Variants in LRRC40 observed in about 807,000 individuals in gnomAD.
LRRC40 encodes leucine-rich repeat-containing protein 40.
LRRC40 carries 76 observed loss-of-function variants against 72.8 expected under a neutral mutation model. That is an observed-to-expected ratio of 1.04 (90% CI 0.87 to 1.26). The LOEUF is 1.26. Ranked by LOEUF, LRRC40 falls within the 50% of genes most tolerant of loss-of-function variation. LRRC40 has a pLI of 0.00. For synonymous variants in LRRC40, 243 were observed against 254.2 expected (o/e 0.96, Z 0.42); for missense variants, 684 against 698.9 (o/e 0.98, Z 0.24).
chr1:70,147,172 G>A (rs1322945729), intron 14 of LRRC40: 2 of 152,178 alleles, frequency 1.3e-5, no homozygotes, highest in African/African-American at 2.4e-5. Context: ...AAAAATTGGA[G>A]TCACCCCACG....
At chr1:70,165,304 T>A (rs1193839764) in intron 9 of LRRC40, among the ~76,000 whole-genome samples, 1 of 152,216 alleles carries the variant, frequency 6.6e-6, no homozygotes, top group Non-Finnish European at 1.5e-5. Flanking sequence ...TTACTGCACT[T>A]CTGCTAGACA....
rs779090823 is a variant in LRRC40, at chr1:70,187,311, G to T, written c.361C>A (p.Pro121Thr). Residue 121 changes from proline (P) to threonine (T), a missense_variant, in exon 3 of 15, where the codon CCT (proline) becomes ACT (threonine). Transcript: ENST00000370952. ...TTTTCTAGCTCTCTTATAGCAGAAG[G>T]AAGGGATGTCAACTGATTATCATGT... is the stretch of plus-strand genomic sequence containing the variant. ...DIHDNQLTSL[P>T]SAIRELENLQ... 1.2e-5 allele frequency: 19 copies of T among 1,584,678 alleles called. No homozygotes were observed. The South Asian group carries it at 1.4e-4, about 11-fold the overall frequency.
intron 4 of LRRC40, among the ~76,000 whole-genome samples, chr1:70,184,424 A>C (rs1668315844): frequency 6.6e-6 from 1 of 152,158 alleles, no homozygotes; most frequent in East Asian, 1.9e-4. Context: ...GGAAGGCAGA[A>C]GGGCCGCAGG....
chr1:70,156,190 T>C (rs1386085889), intron 10 of LRRC40, among the ~76,000 whole-genome samples: 4 of 152,168 alleles, frequency 2.6e-5, no homozygotes, highest in African/African-American at 7.2e-5. Context: ...AGAGGAGTTT[T>C]CTGTCAAATT....
chr1:70,180,640 T>TG (rs1668222927), intron 5 of LRRC40, among the ~76,000 whole-genome samples: 1 of 152,310 alleles, frequency 6.6e-6, no homozygotes, highest in Middle Eastern at 3.4e-3. Context: ...TTTGACATTT[T>TG]GGTTCTTTTA....
chr1:70,173,218 A>G (rs1668034734), intron 9 of LRRC40, among the ~76,000 whole-genome samples: 1 of 152,020 alleles, frequency 6.6e-6, no homozygotes, highest in Non-Finnish European at 1.5e-5. Flanking sequence ...TTTTTGTTAA[A>G]TTTCCTAATT....
In LRRC40 at chr1:70,170,050, T is replaced by C. The variant is rs141755308; in HGVS notation, c.1111+3415A>G. Among the ~76,000 whole-genome samples, 356 of 152,214 alleles carry C rather than the reference T, an allele frequency of 2.3e-3. 1 individual carries two copies. The highest frequency in any genetic ancestry group is 7.7e-3 in the African/African-American group (321 of 41,558). On this transcript the variant is annotated intron_variant, in intron 9 of 14. Transcript: ENST00000370952. ...CAAATCTAGCAACATTTACAAAGAA[T>C]TATACACCATTACTAAGTGGGATTT...
chr1:70,170,158 C>T (rs192519434), intron 9 of LRRC40, among the ~76,000 whole-genome samples: 2 of 152,050 alleles, frequency 1.3e-5, no homozygotes, highest in Admixed American at 1.3e-4. Flanking sequence ...AATCACACGA[C>T]CATCTCAACA....
intron 4 of LRRC40, among the ~76,000 whole-genome samples, chr1:70,183,429 C>A (rs1370413791): frequency 2.0e-5 from 3 of 151,860 alleles, no homozygotes; most frequent in Non-Finnish European, 4.4e-5. Context: ...GAGATGGATA[C>A]ACTTTGGAGT....
chr1:70,193,838 A>T (rs1168193301), intron 1 of LRRC40, among the ~76,000 whole-genome samples: 2 of 152,046 alleles, frequency 1.3e-5, no homozygotes, highest in African/African-American at 4.8e-5. Context: ...ATTAACAGAA[A>T]AATGAGAAAT....
At chr1:70,194,624 A>C (rs72678611) in intron 1 of LRRC40, among the ~76,000 whole-genome samples, 2,064 of 151,174 alleles carry the variant, frequency 0.014, 25 homozygotes, top group Non-Finnish European at 0.018. Flanking sequence ...TTAGGTCAAA[A>C]AATTTTGAAA....
At position 70,166,899 on chromosome 1, in the gene LRRC40, GAAAGGAGAAA is replaced by G. The variant is rs543898345; in HGVS notation, c.1111+6556_1111+6565del. 9.3e-4 allele frequency among the ~76,000 whole-genome samples: 137 copies of G among 146,956 alleles called. No individual in the cohort carries two copies. In the South Asian group the frequency reaches 0.011, roughly 12 times the overall value. On this transcript the variant is annotated intron_variant, in intron 9 of 14. Coordinates refer to ENST00000370952, the MANE Select transcript of LRRC40 (RefSeq NM_017768.5). The stretch of plus-strand genomic sequence containing the variant: ...AAAAAAATTTTCCCCATCCCCAAAA[GAAAGGAGAAA>G]AAAGGAAAAAAAAGAAAAAAGAAAA...
intron 7 of LRRC40, among the ~76,000 whole-genome samples, chr1:70,174,862 T>C (rs1668069861): frequency 6.6e-6 from 1 of 152,130 alleles, no homozygotes; most frequent in African/African-American, 2.4e-5. Flanking sequence ...GTTACACAAA[T>C]ATATACCTTT....
At chr1:70,198,767 C>G (rs1053005892) in intron 1 of LRRC40, among the ~76,000 whole-genome samples, 27 of 151,924 alleles carry the variant, frequency 1.8e-4, no homozygotes, top group Admixed American at 1.5e-3. Flanking sequence ...TATACAGCCA[C>G]TAAAAATAAT....
At chr1:70,183,407 GA>G (rs991475252) in intron 4 of LRRC40, among the ~76,000 whole-genome samples, 18 of 141,970 alleles carry the variant, frequency 1.3e-4, no homozygotes, top group Middle Eastern at 3.6e-3. Context: ...TGGTAAAATG[GA>G]AAAAAAAAAA....
rs1558118941 is a variant in LRRC40, at chr1:70,173,454, T to G, written c.1111+11A>C. 1 of 1,580,198 alleles carries G rather than the reference T, an allele frequency of 6.3e-7. No individual in the cohort carries two copies. The highest frequency in any genetic ancestry group is 8.7e-7 in the Non-Finnish European group (1 of 1,150,642). On this transcript the variant is annotated intron_variant, in intron 9 of 14. Transcript: ENST00000370952. ...GAATCCTTCAAAATATAAGAGAACA[T>G]TTTAAAGTACCTTTGATCTTGCTTC... is the stretch of plus-strand genomic sequence containing the variant.
rs747482453 is a variant in LRRC40, at chr1:70,189,084, C to T, written c.333+8G>A. 6.2e-7 allele frequency: 1 copy of T among 1,602,042 alleles called. No homozygotes were observed. The highest frequency in any genetic ancestry group is 8.5e-7 in the Non-Finnish European group (1 of 1,174,596). On this transcript the variant is annotated splice_region_variant and intron_variant, in intron 2 of 14. Coordinates refer to ENST00000370952, the MANE Select transcript of LRRC40 (RefSeq NM_017768.5). ...TTAATAATCCATATTTATAGTCAGT[C>T]AACTTACATCAAGAACAGTCAGTGC...
Position 70,145,546 on chromosome 1 carries a change from G to A in LRRC40, c.*254C>T. ...CATAAGCAAAACATTTAGAACAAAT[G>A]TATGAACACATTGTGGTTATCACCA... On this transcript the variant is annotated 3_prime_UTR_variant, in exon 15 of 15. Transcript: ENST00000370952. 1 of 261,240 alleles carries A rather than the reference G, an allele frequency of 3.8e-6. No individual in the cohort carries two copies. The highest frequency in any genetic ancestry group is 7.1e-6 in the Non-Finnish European group (1 of 140,042). The allele number at this position is 261,240 out of a possible 1,614,324, so 16.2% of individuals were successfully genotyped here.
chr1:70,176,642 T>C (rs1668112440), intron 6 of LRRC40, among the ~76,000 whole-genome samples: 1 of 152,010 alleles, frequency 6.6e-6, no homozygotes, highest in Non-Finnish European at 1.5e-5. Flanking sequence ...ATATCAGTTT[T>C]TTAAAAAGTT....
Sources: gnomAD v4.1 joint callset for allele counts (sites outside exome capture counted in the v4.1 genomes callset) on GRCh38, gnomAD v4.1.1 for gene constraint, MANE v1.5 for transcripts, NCBI Gene and HGNC (gene_info 2026-07-23, HGNC 2026-07-21) for gene names.